The following ERP44 variants were observed in gnomAD, a reference collection of about 807,000 sequenced individuals.
ERP44 encodes the protein endoplasmic reticulum resident protein 44.
ERP44 carries 25 observed loss-of-function variants against 53.4 expected under a neutral mutation model. The ratio of observed to expected loss-of-function variants is 0.47; its 90% confidence interval spans 0.34 to 0.65. The LOEUF is 0.65. Among genes scored for constraint, ERP44 ranks in the 30% least tolerant of loss-of-function variants. The pLI is 0.01. For missense variants in ERP44, 338 were observed against 493.2 expected, an observed-to-expected ratio of 0.69 and a Z score of 2.98; for synonymous variants, 145 against 161.2, an observed-to-expected ratio of 0.90 and a Z score of 0.76.
At chr9:100,097,479 G>C (rs916302484) in intron 1 of ERP44, among the ~76,000 whole-genome samples, 1 of 151,946 alleles carries the variant, frequency 6.6e-6, no homozygotes, top group Non-Finnish European at 1.5e-5. Flanking sequence ...AACACTTCTA[G>C]AAGGAAAAAT....
At chr9:100,049,526 T>C (rs1826014127) in intron 4 of ERP44, among the ~76,000 whole-genome samples, 1 of 152,336 alleles carries the variant, frequency 6.6e-6, no homozygotes, top group Middle Eastern at 3.4e-3. Flanking sequence ...TCAACGTCAT[T>C]AATTATTAGA....
At chr9:100,007,727 C>T (rs377604852) in intron 8 of ERP44, 38 bp from the exon 9 acceptor site, 27 of 1,081,644 alleles carry the variant, frequency 2.5e-5, no homozygotes, top group Non-Finnish European at 3.9e-5. Context: ...TATCAGGCTT[C>T]TCCATTCAGT....
At chr9:100,058,550 A>C (rs1826109560) in intron 2 of ERP44, among the ~76,000 whole-genome samples, 2 of 152,198 alleles carry the variant, frequency 1.3e-5, no homozygotes. Flanking sequence ...ATCACAGAAA[A>C]GACCTGTATA....
chr9:100,082,812 C>A (rs894754170), intron 1 of ERP44, among the ~76,000 whole-genome samples: 1 of 150,478 alleles, frequency 6.6e-6, no homozygotes, highest in Admixed American at 6.6e-5. Flanking sequence ...CTATATTGTT[C>A]AAGGGGTTAA....
intron 1 of ERP44, among the ~76,000 whole-genome samples, chr9:100,085,263 T>C (rs1826467923): frequency 6.6e-6 from 1 of 152,246 alleles, no homozygotes; most frequent in Non-Finnish European, 1.5e-5. Context: ...TGTGTAACTA[T>C]TAATGAGATC....
intron 4 of ERP44, among the ~76,000 whole-genome samples, chr9:100,041,759 C>G (rs562250447): frequency 6.6e-6 from 1 of 152,260 alleles, no homozygotes; most frequent in South Asian, 2.1e-4. Flanking sequence ...CATATATCTA[C>G]AGTGAACACA....
chr9:100,020,365 A>G (rs1242303021), intron 6 of ERP44, among the ~76,000 whole-genome samples: 1 of 152,254 alleles, frequency 6.6e-6, no homozygotes, highest in Non-Finnish European at 1.5e-5. Context: ...TAAAAGCATG[A>G]ATTAGTTAAT....
intron 1 of ERP44, among the ~76,000 whole-genome samples, chr9:100,067,718 C>T (rs1468450280): frequency 6.6e-6 from 1 of 151,910 alleles, no homozygotes; most frequent in East Asian, 1.9e-4. Context: ...GCGTCTCTGC[C>T]CGGCCGCCAT....
chr9:100,061,600 A>G (rs566662317), intron 1 of ERP44, among the ~76,000 whole-genome samples: 237 of 146,880 alleles, frequency 1.6e-3, no homozygotes, highest in Middle Eastern at 3.6e-3. Flanking sequence ...TTATAGAAAT[A>G]TATATATTTA....
At chr9:99,991,762 C>T (rs1158967219) in intron 10 of ERP44, among the ~76,000 whole-genome samples, 1 of 152,040 alleles carries the variant, frequency 6.6e-6, no homozygotes, top group East Asian at 1.9e-4. Flanking sequence ...AATTGATAGA[C>T]TGCTAGCAAG....
At chr9:100,027,275 G>A (rs1201707654) in intron 4 of ERP44, among the ~76,000 whole-genome samples, 1 of 152,190 alleles carries the variant, frequency 6.6e-6, no homozygotes, top group Non-Finnish European at 1.5e-5. Context: ...GTTACAGAGA[G>A]AAAAAGATTT....
At chr9:100,046,541 A>G (rs1418859099) in intron 4 of ERP44, among the ~76,000 whole-genome samples, 1 of 152,198 alleles carries the variant, frequency 6.6e-6, no homozygotes, top group Admixed American at 6.5e-5. Context: ...AATAAGAAAT[A>G]CTTAGGAATA....
chr9:100,044,905 A>G (rs1825950840), intron 4 of ERP44, among the ~76,000 whole-genome samples: 1 of 152,194 alleles, frequency 6.6e-6, no homozygotes. Flanking sequence ...ATAACCTGTA[A>G]TAGGACATTT....
At chr9:100,078,504 C>T (rs919735645) in intron 1 of ERP44, among the ~76,000 whole-genome samples, 3 of 149,394 alleles carry the variant, frequency 2.0e-5, no homozygotes, top group Non-Finnish European at 3.0e-5. Flanking sequence ...CCTGTAATCC[C>T]AGCACTTTGG....
At chr9:100,060,000 T>A in intron 2 of ERP44, 100 bp downstream of exon 2, 1 of 995,866 alleles carries the variant, frequency 1.0e-6, no homozygotes, top group Non-Finnish European at 1.3e-6. Context: ...TCTTCATCTG[T>A]GCTAGCTAAC....
intron 4 of ERP44, among the ~76,000 whole-genome samples, chr9:100,031,406 A>G (rs752313647): frequency 7.2e-5 from 11 of 152,236 alleles, no homozygotes; most frequent in Non-Finnish European, 1.6e-4. Flanking sequence ...GGGAAGAGCA[A>G]TAGAAACTGT....
At chr9:99,991,280 AG>A (rs1475378028) in intron 10 of ERP44, among the ~76,000 whole-genome samples, 2 of 152,234 alleles carry the variant, frequency 1.3e-5, no homozygotes, top group Non-Finnish European at 2.9e-5. Context: ...AGCACTCCTC[AG>A]CAAATATAAA....
Position 100,013,604 on chromosome 9 carries a change from C to T in ERP44, c.762+2718G>A, listed in dbSNP as rs181619191. 1.8e-3 allele frequency among the ~76,000 whole-genome samples: 277 copies of T among 152,262 alleles called. 1 individual carries two copies. Among genetic ancestry groups the T allele is most frequent in the African/African-American group, 6.4e-3 (267 of 41,554 alleles). ...AAATTAAAACCACAATGAGACTCTA[C>T]TACACATACACCAAAATAGATTAAA... is the stretch of plus-strand genomic sequence containing the variant. On this transcript the variant is annotated intron_variant, in intron 8 of 11. Coordinates refer to ENST00000262455, the MANE Select transcript of ERP44 (RefSeq NM_015051.3).
intron 1 of ERP44, among the ~76,000 whole-genome samples, chr9:100,091,087 T>C (rs1326156221): frequency 6.6e-6 from 1 of 152,208 alleles, no homozygotes; most frequent in Non-Finnish European, 1.5e-5. Flanking sequence ...TTTTCTGAGA[T>C]GGGTTTCTTC....
Sources: gnomAD v4.1 joint callset for allele counts (sites outside exome capture counted in the v4.1 genomes callset) on GRCh38, gnomAD v4.1.1 for gene constraint, MANE v1.5 for transcripts, NCBI Gene and HGNC (gene_info 2026-07-23, HGNC 2026-07-21) for gene names.